IARS2: variants seen among roughly 807,000 people sequenced by gnomAD.
The protein encoded by IARS2 is isoleucine--tRNA ligase, mitochondrial.
In IARS2, 56 loss-of-function variants were observed where a neutral mutation model predicts 126.3. That is an observed-to-expected ratio of 0.44 (90% confidence interval 0.36 to 0.55). The LOEUF (loss-of-function observed/expected upper bound fraction) is 0.55. Among genes scored for constraint, IARS2 ranks in the 20% least tolerant of loss-of-function variants. IARS2 has a pLI of 0.00. For missense variants in IARS2, 1,127 were observed against 1,245.9 expected (o/e 0.90, Z 1.44); for synonymous variants, 407 against 441.1 (o/e 0.92, Z 0.97).
At chr1:220,123,259 A>T (rs1218944784) in intron 12 of IARS2, among the ~76,000 whole-genome samples, 1 of 152,142 alleles carries the variant, frequency 6.6e-6, no homozygotes, top group African/African-American at 2.4e-5. Context: ...ATGGTCTGAT[A>T]ACATAAAAGT....
Position 220,108,782 on chromosome 1 carries a change from G to C in IARS2, c.1327+1631G>C, listed in dbSNP as rs183371983. ...GATCCACCTGCCTAGGCCTCCCAAA[G>C]TGTTGGGATTATAGGTGTGAGCCAC... is the stretch of plus-strand genomic sequence containing the variant. On this transcript the variant is annotated intron_variant, in intron 10 of 22. Transcript: ENST00000366922. Among the ~76,000 whole-genome samples the C allele has an allele frequency of 7.5e-3, 1,119 of 149,262 alleles. 9 individuals are homozygous for C. Among genetic ancestry groups the C allele is most frequent in the Middle Eastern group, 0.021 (6 of 286 alleles).
intron 21 of IARS2, chr1:220,144,115 A>G: frequency 2.3e-6 from 2 of 873,594 alleles, no homozygotes; most frequent in South Asian, 1.3e-5. Flanking sequence ...TTGCACATCA[A>G]ATCTGGGGCT....
chr1:220,147,521 TA>T lies in IARS2; in HGVS notation c.2928del (p.Val977Ter). On this transcript the variant is annotated frameshift_variant, in exon 23 of 23. Coordinates refer to ENST00000366922, the MANE Select transcript of IARS2 (RefSeq NM_018060.4). LOFTEE classifies it high-confidence loss of function. Reference protein sequence around the residue: ...GGDIREESSYKVIVMPTTKEK... With the variant: ...GGDIREESSYXVIVMPTTKEK... ...GTGATATTCGTGAAGAGTCTTCCTA[TA>T]AAGTAATTGTCATGCCGACTACGAA... 6.2e-7 allele frequency: 1 copy of T among 1,614,124 alleles called. No individual in the cohort carries two copies. Among genetic ancestry groups the T allele is most frequent in the African/African-American group, 1.3e-5 (1 of 75,044 alleles).
chr1:220,120,082 C>CTTT (rs1395868643), intron 12 of IARS2, among the ~76,000 whole-genome samples: 2 of 139,138 alleles, frequency 1.4e-5, no homozygotes, highest in Non-Finnish European at 3.1e-5. Context: ...CTCTGTCACA[C>CTTT]TTTTTTTTTT....
chr1:220,138,439 C>T (rs939438131), intron 17 of IARS2, among the ~76,000 whole-genome samples: 1 of 152,104 alleles, frequency 6.6e-6, no homozygotes. Context: ...CCACTGGACT[C>T]CAGCCTGGCG....
intron 12 of IARS2, among the ~76,000 whole-genome samples, chr1:220,117,273 T>A (rs1279779047): frequency 1.5e-5 from 2 of 133,320 alleles, no homozygotes; most frequent in Non-Finnish European, 3.2e-5. Flanking sequence ...CTCACTGCAA[T>A]CTCCGCCTCC....
At chr1:220,146,758 G>A (rs1308869920) in intron 22 of IARS2, among the ~76,000 whole-genome samples, 2 of 152,144 alleles carry the variant, frequency 1.3e-5, no homozygotes, top group African/African-American at 4.8e-5. Context: ...CGCAACCTCC[G>A]CCTCCCAGAT....
chr1:220,124,560 C>A (rs566013574), intron 12 of IARS2, among the ~76,000 whole-genome samples: 20 of 152,230 alleles, frequency 1.3e-4, no homozygotes, highest in South Asian at 6.2e-4. Context: ...TTGTTCTTAA[C>A]AGAAGGGAAA....
Position 220,137,994 on chromosome 1 carries a change from T to C in IARS2, c.2126T>C (p.Val709Ala), listed in dbSNP as rs751965967. 6.2e-7 allele frequency: 1 copy of C among 1,614,160 alleles called. No homozygotes were observed. The highest frequency in any genetic ancestry group is 8.5e-7 in the Non-Finnish European group (1 of 1,180,014). Reference protein sequence around the residue: ...WVADSNVFTEVAIGPSVLNAA... With the variant: ...WVADSNVFTEAAIGPSVLNAA... ...GCTGATTCCAATGTCTTCACCGAAG[T>C]TGCAATTGGCCCATCCGTGCTCAAT... Residue 709 changes from valine to alanine, a missense_variant, in exon 17 of 23, where the codon GTT (valine) becomes GCT (alanine). Physicochemically the swap from Val to Ala is moderately conservative, Grantham distance 64. Transcript: ENST00000366922.
intron 15 of IARS2, among the ~76,000 whole-genome samples, 156 bp from the exon 16 acceptor site, chr1:220,136,653 A>AG (rs1447599479): frequency 6.6e-6 from 1 of 151,162 alleles, no homozygotes; most frequent in Non-Finnish European, 1.5e-5. Flanking sequence ...AAAAAAAAAA[A>AG]AGAGAAGAAA....
chr1:220,134,507 A>C lies in IARS2; in HGVS notation c.1943A>C (p.Tyr648Ser), dbSNP rs142067804. The C allele has an allele frequency of 5.6e-6, 9 of 1,605,756 alleles. No individual in the cohort carries two copies. Among genetic ancestry groups the C allele is most frequent in the Non-Finnish European group, 7.7e-6 (9 of 1,174,516 alleles). Residue 648 changes from tyrosine to serine, a missense_variant, in exon 15 of 23, where the codon TAT becomes TCT. Physicochemically the swap from Tyr to Ser is moderately radical, Grantham distance 144. Coordinates refer to ENST00000366922, the MANE Select transcript of IARS2 (RefSeq NM_018060.4). ...GTGGCAGCAAGGAAGAGAGCACCTTATAAGTAAGTATTTATGCCTGAACCA... is the reference window on the plus strand; with the variant it reads ...GTGGCAGCAAGGAAGAGAGCACCTTCTAAGTAAGTATTTATGCCTGAACCA... ...TSVAARKRAP[Y>S]KTVIVHGFTL...
In IARS2 at chr1:220,137,953, C is replaced by A. The variant is rs987398158; in HGVS notation, c.2085C>A (p.Val695=). The change falls in exon 17 of 23, where the codon GTC becomes GTA. Residue 695 remains valine, a synonymous_variant. Coordinates refer to ENST00000366922, the MANE Select transcript of IARS2 (RefSeq NM_018060.4). The part of the protein sequence containing the change: ...QSKEPPYGAD[V]LRWWVADSNV... ...AAGAGCCTCCGTATGGTGCTGATGT[C>A]CTTCGCTGGTGGGTAGCTGATTCCA... 1.2e-6 allele frequency: 2 copies of A among 1,614,068 alleles called. No individual in the cohort carries two copies. Among genetic ancestry groups the A allele is most frequent in the African/African-American group, 1.3e-5 (1 of 75,018 alleles).
chr1:220,125,279 C>G lies in IARS2; in HGVS notation c.1683C>G (p.Gly561=), dbSNP rs1265141040. Residue 561 remains glycine (G), a synonymous_variant, in exon 13 of 23, where the codon GGC becomes GGG. Transcript: ENST00000366922. The part of the protein sequence containing the change: ...EHIVKLVEQH[G]SDIWWTLPPE... Reference sequence around the variant, plus strand: ...TTGTTAAACTAGTGGAACAACACGGCAGTGATATCTGGTGGACTCTTCCCC... The same window carrying G: ...TTGTTAAACTAGTGGAACAACACGGGAGTGATATCTGGTGGACTCTTCCCC... The G allele has an allele frequency of 2.5e-6, 4 of 1,613,760 alleles. No homozygotes were observed. The highest frequency in any genetic ancestry group is 3.4e-6 in the Non-Finnish European group (4 of 1,179,732).
chr1:220,145,216 A>C (rs1474337934), intron 21 of IARS2, among the ~76,000 whole-genome samples: 1 of 152,190 alleles, frequency 6.6e-6, no homozygotes, highest in Non-Finnish European at 1.5e-5. Flanking sequence ...AGGATAATAA[A>C]CACCATATAG....
rs1311012564 is a variant in IARS2 at position 220,110,905 on chromosome 1, A to G, written c.1447A>G (p.Ile483Val). ...TATTCGTGCCAGCAAGCAGTGGTTT[A>G]TAAACATCACGGATATTAAGACTGC... ...VVIRASKQWF[I>V]NITDIKTAAK... The change falls in exon 11 of 23, where the codon ATA (isoleucine) becomes GTA (valine). Residue 483 changes from isoleucine (I) to valine (V), a missense_variant. By Grantham distance (29) the Ile-to-Val change is conservative. Transcript: ENST00000366922. The G allele has an allele frequency of 6.2e-7, 1 of 1,613,874 alleles. No individual in the cohort carries two copies. The highest frequency in any genetic ancestry group is 1.3e-5 in the African/African-American group (1 of 74,900).
chr1:220,104,298 A>C (rs1373713550), intron 8 of IARS2, among the ~76,000 whole-genome samples: 1 of 152,056 alleles, frequency 6.6e-6, no homozygotes, highest in South Asian at 2.1e-4. Context: ...TTTGTGAGCT[A>C]TAATTTGGGA....
At position 220,126,784 on chromosome 1, in the gene IARS2, G is replaced by A; in HGVS notation, c.1778G>A (p.Gly593Asp). ...GGPDALEYVP[G>D]QDILDIWFDS... ...CCTGATGCCTTGGAATATGTGCCAG[G>A]TCAGGATATTTTGGACATCTGGTTT... Residue 593 changes from glycine (G) to aspartate (D), a missense_variant, in exon 14 of 23, where the codon GGT (glycine) becomes GAT (aspartate). Transcript: ENST00000366922. 6.2e-7 allele frequency: 1 copy of A among 1,613,284 alleles called. No homozygotes were observed. The highest frequency in any genetic ancestry group is 8.5e-7 in the Non-Finnish European group (1 of 1,179,846).
At chr1:220,129,690 T>C (rs989450983) in intron 14 of IARS2, among the ~76,000 whole-genome samples, 4 of 152,234 alleles carry the variant, frequency 2.6e-5, no homozygotes, top group African/African-American at 9.6e-5. Flanking sequence ...AGAATTTCAT[T>C]CTTTTTTATG....
At chr1:220,122,223 T>G (rs905689622) in intron 12 of IARS2, among the ~76,000 whole-genome samples, 2 of 152,246 alleles carry the variant, frequency 1.3e-5, no homozygotes, top group Admixed American at 1.3e-4. Flanking sequence ...CGTCACTTTT[T>G]CCGATGTTTA....
Sources: allele counts gnomAD v4.1 joint callset (sites outside exome capture counted in the v4.1 genomes callset), GRCh38; gene constraint gnomAD v4.1.1; transcripts MANE v1.5; gene names NCBI Gene and HGNC (gene_info 2026-07-23, HGNC 2026-07-21).